The following SLC5A3 variants were observed in gnomAD, a reference collection of about 807,000 sequenced individuals.
The protein encoded by SLC5A3 is solute carrier family 5 member 3.
In SLC5A3, 10 loss-of-function variants were observed where a neutral mutation model predicts 43.2. The ratio of observed to expected loss-of-function variants is 0.23; its 90% CI spans 0.14 to 0.39. The LOEUF is 0.39. Ranked by LOEUF, SLC5A3 falls within the 10% of genes least tolerant of loss-of-function variation. The pLI is 1.00. For missense variants in SLC5A3, 608 were observed against 893.4 expected (o/e 0.68, Z 4.07); for synonymous variants, 349 against 322.0 (o/e 1.08, Z -0.90).
rs893534224 is a variant in SLC5A3 at position 34,103,493 on chromosome 21, G to A, written c.*6138G>A. 1 of 998,904 alleles carries A rather than the reference G, an allele frequency of 1.0e-6. No individual in the cohort carries two copies. Among genetic ancestry groups the A allele is most frequent in the African/African-American group, 1.7e-5 (1 of 57,152 alleles). The allele number at this position is 998,904 out of a possible 1,614,324, so 61.9% of individuals were successfully genotyped here. ...ATCTTAATTTTGTTGTGTTTCCATT[G>A]TAGGTTGATAGGTATATCGAGAACA... is the stretch of plus-strand genomic sequence containing the variant. On this transcript the variant is annotated 3_prime_UTR_variant, in exon 2 of 2. Transcript: ENST00000381151.
Position 34,104,962 on chromosome 21 carries a change from A to G in SLC5A3, c.*7607A>G, listed in dbSNP as rs1017488666. ...ATTAGCCTAGGTGAAAAGTAGTCCTAGCAGTGTAAATATGTATAATTAGAG... is the reference window on the plus strand; with the variant it reads ...ATTAGCCTAGGTGAAAAGTAGTCCTGGCAGTGTAAATATGTATAATTAGAG... On this transcript the variant is annotated 3_prime_UTR_variant, in exon 2 of 2. Transcript: ENST00000381151. 3.0e-6 allele frequency: 3 copies of G among 999,242 alleles called. No homozygotes were observed. Among genetic ancestry groups the G allele is most frequent in the Middle Eastern group, 5.2e-4 (1 of 1,936 alleles). The allele number at this position is 999,242 out of a possible 1,614,324, so 61.9% of individuals were successfully genotyped here. A position where few individuals can be genotyped will look rare whatever the true frequency, so the allele number is the denominator to read the frequency against.
Position 34,102,525 on chromosome 21 carries a change from A to G in SLC5A3, c.*5170A>G, listed in dbSNP as rs2148661933. 1.0e-6 allele frequency: 1 copy of G among 1,000,012 alleles called. No homozygotes were observed. The highest frequency in any genetic ancestry group is 4.7e-5 in the South Asian group (1 of 21,284). 61.9% of individuals were successfully genotyped at this position (1,000,012 alleles called of 1,614,324 possible). A position where few individuals can be genotyped will look rare whatever the true frequency, so the allele number is the denominator to read the frequency against. On this transcript the variant is annotated 3_prime_UTR_variant, in exon 2 of 2. Coordinates refer to ENST00000381151, the MANE Select transcript of SLC5A3 (RefSeq NM_006933.7). Reference sequence around the variant, plus strand: ...GAAATAAACAAAAACTGTTTGGTATATCTGTATCATTGCTAATCTTGTGCA... The same window carrying G: ...GAAATAAACAAAAACTGTTTGGTATGTCTGTATCATTGCTAATCTTGTGCA...
In SLC5A3 at chr21:34,098,556, G is replaced by T; in HGVS notation, c.*1201G>T. 1 of 1,000,192 alleles carries T rather than the reference G, an allele frequency of 1.0e-6. No individual in the cohort carries two copies. Among genetic ancestry groups the T allele is most frequent in the East Asian group, 1.1e-4 (1 of 8,824 alleles). 62.0% of individuals were successfully genotyped at this position (1,000,192 alleles called of 1,614,324 possible). A position where few individuals can be genotyped will look rare whatever the true frequency, so the allele number is the denominator to read the frequency against. On this transcript the variant is annotated 3_prime_UTR_variant, in exon 2 of 2. Coordinates refer to ENST00000381151, the MANE Select transcript of SLC5A3 (RefSeq NM_006933.7). ...GCATAAGGATGTTTCAGTGCAAACT[G>T]GCCGTCGGTAACAGAAAACTCAGTG...
At position 34,073,694 on chromosome 21, in the gene SLC5A3, TC is replaced by T; in HGVS notation, c.-386del. On this transcript the variant is annotated 5_prime_UTR_variant, in exon 1 of 2. Coordinates refer to ENST00000381151, the MANE Select transcript of SLC5A3 (RefSeq NM_006933.7). ...GCTTCCGAGCCGCACTCGCCGATCC[TC>T]CAGGCATGCCCCGCTACGAGCTGGC... is the stretch of plus-strand genomic sequence containing the variant. 1 of 1,520,094 alleles carries T rather than the reference TC, an allele frequency of 6.6e-7. No homozygotes were observed. The highest frequency in any genetic ancestry group is 8.9e-7 in the Non-Finnish European group (1 of 1,126,214). The allele number at this position is 1,520,094 out of a possible 1,614,324, so 94.2% of individuals were successfully genotyped here.
At chr21:34,077,554 G>T (rs367864232) in intron 1 of SLC5A3, among the ~76,000 whole-genome samples, 67 of 152,238 alleles carry the variant, frequency 4.4e-4, no homozygotes, top group African/African-American at 1.6e-3. Context: ...TCCATTGCAT[G>T]TACAATAAGA....
chr21:34,097,030 A>G lies in SLC5A3; in HGVS notation c.1832A>G (p.Glu611Gly). ...EDVNLLVTCR[E>G]EGNPVASLGH... ...GTTAATCTGTTGGTAACCTGCAGAG[A>G]GGAGGGCAACCCAGTGGCATCCTTA... is the stretch of plus-strand genomic sequence containing the variant. Residue 611 changes from glutamate (E) to glycine (G), a missense_variant, in exon 2 of 2, where the codon GAG becomes GGG. By Grantham distance (98) the Glu-to-Gly change is moderately conservative (BLOSUM62 -2). This residue lies in a region of SLC5A3 where 210 missense variants were observed against 224.8 expected (regional missense o/e 0.93). Coordinates refer to ENST00000381151, the MANE Select transcript of SLC5A3 (RefSeq NM_006933.7). The G allele has an allele frequency of 1.2e-6, 2 of 1,614,128 alleles. No homozygotes were observed. Among genetic ancestry groups the G allele is most frequent in the Non-Finnish European group, 1.7e-6 (2 of 1,179,992 alleles).
Position 34,096,103 on chromosome 21 carries a change from C to T in SLC5A3, c.905C>T (p.Ala302Val). 1 of 1,614,134 alleles carries T rather than the reference C, an allele frequency of 6.2e-7. No individual in the cohort carries two copies. The highest frequency in any genetic ancestry group is 8.5e-7 in the Non-Finnish European group (1 of 1,179,994). ...CATGCCAAAGGCTCTACTCTTATGG[C>T]TGGCTTCTTAAAGCTCCTGCCAATG... ...IAHAKGSTLM[A>V]GFLKLLPMFI... Residue 302 changes from alanine (A) to valine (V), a missense_variant, in exon 2 of 2, where the codon GCT (alanine) becomes GTT (valine). This residue lies in a region of SLC5A3 where 398 missense variants were observed against 668.6 expected (regional missense o/e 0.60). Coordinates refer to ENST00000381151, the MANE Select transcript of SLC5A3 (RefSeq NM_006933.7). The surrounding 1 kb of genome is among the most constrained non-coding windows in gnomAD (Gnocchi z 5.9).
rs967302062 is a variant in SLC5A3, at chr21:34,099,875, A to C, written c.*2520A>C. ...AAGCTTGTCTTTCTTATTGCTTCCCAGTAATAGATAATGTGCTCGAGTAAG... is the reference window on the plus strand; with the variant it reads ...AAGCTTGTCTTTCTTATTGCTTCCCCGTAATAGATAATGTGCTCGAGTAAG... On this transcript the variant is annotated 3_prime_UTR_variant, in exon 2 of 2. Transcript: ENST00000381151. 2.6e-6 allele frequency: 1 copy of C among 384,798 alleles called. No homozygotes were observed. Among genetic ancestry groups the C allele is most frequent in the Non-Finnish European group, 3.7e-6 (1 of 268,072 alleles). 23.8% of individuals were successfully genotyped at this position (384,798 alleles called of 1,614,324 possible).
chr21:34,078,285 T>A (rs190723644), intron 1 of SLC5A3, among the ~76,000 whole-genome samples: 1 of 152,186 alleles, frequency 6.6e-6, no homozygotes, highest in Non-Finnish European at 1.5e-5. Flanking sequence ...AACAATGTTA[T>A]ACTTTCATTT....
Position 34,104,015 on chromosome 21 carries a change from C to T in SLC5A3, c.*6660C>T. On this transcript the variant is annotated 3_prime_UTR_variant, in exon 2 of 2. Coordinates refer to ENST00000381151, the MANE Select transcript of SLC5A3 (RefSeq NM_006933.7). ...TTAAATCTTTTAGGAAATATTACCT[C>T]TTAACAGTGCCCCCCCAAACATGCA... The T allele has an allele frequency of 4.0e-6, 4 of 1,000,088 alleles. No homozygotes were observed. The highest frequency in any genetic ancestry group is 4.8e-6 in the Non-Finnish European group (4 of 829,892). 62.0% of individuals were successfully genotyped at this position (1,000,088 alleles called of 1,614,324 possible).
chr21:34,082,575 T>C (rs1225407227), intron 1 of SLC5A3, among the ~76,000 whole-genome samples: 1 of 152,204 alleles, frequency 6.6e-6, no homozygotes, highest in East Asian at 1.9e-4. Context: ...AAAAATAGTT[T>C]ACCCATGATC....
chr21:34,101,037 T>G lies in SLC5A3; in HGVS notation c.*3682T>G. 1.0e-6 allele frequency: 1 copy of G among 1,000,162 alleles called. No individual in the cohort carries two copies. The highest frequency in any genetic ancestry group is 1.2e-6 in the Non-Finnish European group (1 of 829,942). 62.0% of individuals were successfully genotyped at this position (1,000,162 alleles called of 1,614,324 possible). A position where few individuals can be genotyped will look rare whatever the true frequency, so the allele number is the denominator to read the frequency against. On this transcript the variant is annotated 3_prime_UTR_variant, in exon 2 of 2. Coordinates refer to ENST00000381151, the MANE Select transcript of SLC5A3 (RefSeq NM_006933.7). The stretch of plus-strand genomic sequence containing the variant: ...GTCGTTGGTGGTGACACCTCACTGT[T>G]TCCTAGGTTTGGATAGAGAGATGTA...
intron 1 of SLC5A3, among the ~76,000 whole-genome samples, chr21:34,077,441 C>T (rs1274266652): frequency 1.3e-5 from 2 of 152,132 alleles, no homozygotes; most frequent in Admixed American, 6.6e-5. Flanking sequence ...TATGAAAGCC[C>T]TGGGATAATA....
At chr21:34,093,094 A>ATT (rs1978788431) in intron 1 of SLC5A3, among the ~76,000 whole-genome samples, 1 of 152,212 alleles carries the variant, frequency 6.6e-6, no homozygotes, top group Non-Finnish European at 1.5e-5. Flanking sequence ...GATTTTATTA[A>ATT]AAATTTAGAT....
In SLC5A3 at chr21:34,100,942, G is replaced by C. The variant is rs1979209343; in HGVS notation, c.*3587G>C. Reference sequence around the variant, plus strand: ...CTGCTTGGCAGTGTTAAAGCTTACAGGGTTAACTTATGATGATTCTCCTGG... The same window carrying C: ...CTGCTTGGCAGTGTTAAAGCTTACACGGTTAACTTATGATGATTCTCCTGG... On this transcript the variant is annotated 3_prime_UTR_variant, in exon 2 of 2. Transcript: ENST00000381151. The C allele has an allele frequency of 2.0e-6, 2 of 1,000,052 alleles. No individual in the cohort carries two copies. Among genetic ancestry groups the C allele is most frequent in the African/African-American group, 3.5e-5 (2 of 57,220 alleles). 61.9% of individuals were successfully genotyped at this position (1,000,052 alleles called of 1,614,324 possible).
rs778549193 is a variant in SLC5A3 at position 34,098,019 on chromosome 21, T to C, written c.*664T>C. The C allele has an allele frequency of 7.2e-5, 72 of 999,148 alleles. 1 individual carries two copies. In the Admixed American group the frequency reaches 1.7e-3, roughly 24 times the overall value. The allele number at this position is 999,148 out of a possible 1,614,324, so 61.9% of individuals were successfully genotyped here. On this transcript the variant is annotated 3_prime_UTR_variant, in exon 2 of 2. Coordinates refer to ENST00000381151, the MANE Select transcript of SLC5A3 (RefSeq NM_006933.7). ...TTTTTTTTTTCTTTCTACTTTCAAG[T>C]TTAAGTGAACCATACTGAAATGACC...
intron 1 of SLC5A3, among the ~76,000 whole-genome samples, chr21:34,081,543 A>T (rs931393267): frequency 6.6e-6 from 1 of 152,218 alleles, no homozygotes; most frequent in Non-Finnish European, 1.5e-5. Context: ...CATAGAATAA[A>T]CAAAGACTGG....
At chr21:34,078,414 G>A (rs1298454398) in intron 1 of SLC5A3, among the ~76,000 whole-genome samples, 1 of 152,132 alleles carries the variant, frequency 6.6e-6, no homozygotes, top group East Asian at 1.9e-4. Context: ...GGGGTAAGGA[G>A]TCCTTCCTCA....
intron 1 of SLC5A3, among the ~76,000 whole-genome samples, chr21:34,078,229 A>G (rs933293948): frequency 1.3e-5 from 2 of 152,102 alleles, no homozygotes; most frequent in Non-Finnish European, 2.9e-5. Context: ...GCTTGAAACC[A>G]GGCAACTTAA....
Sources: allele counts gnomAD v4.1 joint callset (sites outside exome capture counted in the v4.1 genomes callset), GRCh38; gene constraint gnomAD v4.1.1; regional missense constraint gnomAD v4.1.1; non-coding constraint Gnocchi (gnomAD v3.1); transcripts MANE v1.5; gene names NCBI Gene and HGNC (gene_info 2026-07-23, HGNC 2026-07-21).